ST8SIA6: variants seen among roughly 807,000 people sequenced by gnomAD.
ST8SIA6 encodes ST8 alpha-N-acetyl-neuraminide alpha-2,8-sialyltransferase 6, also known as alpha-2,8-sialyltransferase 8F.
A neutral mutation model predicts 33.6 loss-of-function variants in ST8SIA6; 39 were observed. The observed-to-expected ratio is 1.16, with a 90% CI of 0.90 to 1.52. The LOEUF (loss-of-function observed/expected upper bound fraction) is 1.52. ST8SIA6 is among the 40% of genes most tolerant of loss of function. ST8SIA6 has a pLI of 0.00. For missense variants in ST8SIA6, 441 were observed against 443.8 expected, an observed-to-expected ratio of 0.99 and a Z score of 0.06; for synonymous variants, 172 against 167.2, an observed-to-expected ratio of 1.03 and a Z score of -0.22.
chr10:17,432,419 C>T (rs184317228), intron 2 of ST8SIA6, among the ~76,000 whole-genome samples: 18 of 152,272 alleles, frequency 1.2e-4, no homozygotes, highest in Non-Finnish European at 2.5e-4. Flanking sequence ...CCTTTTCCAC[C>T]CCACGCATTT....
intron 2 of ST8SIA6, among the ~76,000 whole-genome samples, chr10:17,435,500 A>G (rs1178507045): frequency 3.3e-5 from 5 of 152,208 alleles, no homozygotes; most frequent in Non-Finnish European, 7.3e-5. Context: ...CCAGTTCTAC[A>G]TAATAACATT....
intron 3 of ST8SIA6, among the ~76,000 whole-genome samples, chr10:17,376,935 T>A (rs1849934415): frequency 1.3e-5 from 2 of 152,044 alleles, no homozygotes; most frequent in African/African-American, 2.4e-5. Context: ...AGATTTATAA[T>A]TTTTTTTACA....
At chr10:17,385,953 C>T (rs1850327153) in intron 3 of ST8SIA6, among the ~76,000 whole-genome samples, 1 of 152,170 alleles carries the variant, frequency 6.6e-6, no homozygotes, top group African/African-American at 2.4e-5. Context: ...GAGGCCAAGG[C>T]AGGAGGATCA....
intron 4 of ST8SIA6, among the ~76,000 whole-genome samples, chr10:17,347,812 G>C (rs982386192): frequency 6.6e-6 from 1 of 151,994 alleles, no homozygotes; most frequent in African/African-American, 2.4e-5. Flanking sequence ...GCACGTGCCT[G>C]TAGTCCCAGC....
At chr10:17,333,511 C>G (rs113655757) in intron 4 of ST8SIA6, among the ~76,000 whole-genome samples, 1 of 150,966 alleles carries the variant, frequency 6.6e-6, no homozygotes, top group Non-Finnish European at 1.5e-5. Context: ...GCTACAGTAA[C>G]CAAAACAGCG....
intron 6 of ST8SIA6, among the ~76,000 whole-genome samples, chr10:17,326,620 C>T (rs1249168655): frequency 1.3e-5 from 2 of 152,030 alleles, no homozygotes; most frequent in African/African-American, 4.8e-5. Context: ...CCTTGAAATG[C>T]GCTGTTAAAC....
chr10:17,348,399 G>C (rs1236540381), intron 4 of ST8SIA6, among the ~76,000 whole-genome samples: 1 of 152,094 alleles, frequency 6.6e-6, no homozygotes, highest in Non-Finnish European at 1.5e-5. Flanking sequence ...TTGTATTTAT[G>C]CCACTGTCTT....
intron 2 of ST8SIA6, among the ~76,000 whole-genome samples, chr10:17,446,321 A>T (rs1852705596): frequency 2.0e-5 from 3 of 152,228 alleles, no homozygotes; most frequent in African/African-American, 7.2e-5. Context: ...ACTTTTGAAA[A>T]ACAGTTAACT....
intron 2 of ST8SIA6, among the ~76,000 whole-genome samples, chr10:17,438,531 A>G (rs906617554): frequency 2.0e-5 from 3 of 152,244 alleles, no homozygotes; most frequent in East Asian, 1.9e-4. Context: ...ACATATCTCA[A>G]TTGGTATCTG....
rs775452577 is a variant in ST8SIA6 at position 17,331,559 on chromosome 10, A to G, written c.378-7T>C. ...GCAGGAAGCAAGTTTGGCTCTGCAA[A>G]GGAAAAGGATGAAAAGGAAGCCAAA... On this transcript the variant is annotated splice_polypyrimidine_tract_variant and splice_region_variant and intron_variant, in intron 4 of 7. Transcript: ENST00000377602. 1.9e-6 allele frequency: 3 copies of G among 1,598,794 alleles called. No homozygotes were observed. The Admixed American group carries it at 5.4e-5, about 29-fold the overall frequency.
At chr10:17,388,802 T>C (rs984550394) in intron 3 of ST8SIA6, among the ~76,000 whole-genome samples, 26 of 152,164 alleles carry the variant, frequency 1.7e-4, no homozygotes, top group Non-Finnish European at 2.6e-4. Context: ...TGAAACAAAA[T>C]TGATAATAGC....
chr10:17,371,461 TAAG>T (rs1425069250), intron 3 of ST8SIA6, among the ~76,000 whole-genome samples: 2 of 151,774 alleles, frequency 1.3e-5, no homozygotes, highest in Admixed American at 1.3e-4. Flanking sequence ...GTGTCAAAAA[TAAG>T]GAGACGTGAG....
intron 2 of ST8SIA6, among the ~76,000 whole-genome samples, chr10:17,437,060 A>G (rs540641278): frequency 2.6e-5 from 4 of 152,230 alleles, no homozygotes; most frequent in Non-Finnish European, 5.9e-5. Flanking sequence ...GGCATACCCA[A>G]GAACACTCCA....
At chr10:17,428,833 T>A (rs985031792) in intron 2 of ST8SIA6, among the ~76,000 whole-genome samples, 1 of 152,174 alleles carries the variant, frequency 6.6e-6, no homozygotes, top group African/African-American at 2.4e-5. Flanking sequence ...CAAGGATAGA[T>A]GCCTGTTGGC....
intron 2 of ST8SIA6, among the ~76,000 whole-genome samples, chr10:17,440,286 A>C (rs1007784108): frequency 2.7e-5 from 4 of 149,178 alleles, no homozygotes; most frequent in African/African-American, 1.0e-4. Flanking sequence ...AGCTCACTGC[A>C]ACTCCGCCTC....
intron 4 of ST8SIA6, among the ~76,000 whole-genome samples, chr10:17,338,614 C>T (rs906569738): frequency 6.6e-6 from 1 of 152,186 alleles, no homozygotes; most frequent in African/African-American, 2.4e-5. Flanking sequence ...GGCTATCATA[C>T]AATGTACATA....
chr10:17,407,763 G>A (rs1228435283), intron 2 of ST8SIA6, among the ~76,000 whole-genome samples: 1 of 152,140 alleles, frequency 6.6e-6, no homozygotes, highest in Non-Finnish European at 1.5e-5. Flanking sequence ...TGAGTAACAA[G>A]TTCTTAAAAG....
Position 17,318,402 on chromosome 10 carries a change from G to A in ST8SIA6, c.*2476C>T, listed in dbSNP as rs543345356. On this transcript the variant is annotated 3_prime_UTR_variant, in exon 8 of 8. Coordinates refer to ENST00000377602, the MANE Select transcript of ST8SIA6 (RefSeq NM_001004470.3). ...AGCTAATTTTTTTGTTTTTTGTAGA[G>A]AAGGGTACTCACTATGTTGCCCAGG... The A allele has an allele frequency of 3.4e-6, 1 of 292,496 alleles. No individual in the cohort carries two copies. The highest frequency in any genetic ancestry group is 3.4e-5 in the South Asian group (1 of 29,566). 18.1% of individuals were successfully genotyped at this position (292,496 alleles called of 1,614,324 possible). A position where few individuals can be genotyped will look rare whatever the true frequency, so the allele number is the denominator to read the frequency against.
intron 2 of ST8SIA6, among the ~76,000 whole-genome samples, chr10:17,404,102 G>A (rs898737840): frequency 2.0e-5 from 3 of 149,774 alleles, no homozygotes; most frequent in African/African-American, 4.9e-5. Flanking sequence ...GAGGCCATAA[G>A]AGTGATGTAT....
Sources: allele counts gnomAD v4.1 joint callset (sites outside exome capture counted in the v4.1 genomes callset), GRCh38; gene constraint gnomAD v4.1.1; transcripts MANE v1.5; gene names NCBI Gene and HGNC (gene_info 2026-07-23, HGNC 2026-07-21).